FAT3: variants seen among roughly 807,000 people sequenced by gnomAD.
FAT3 encodes FAT atypical cadherin 3.
Under a neutral mutation model 310.2 loss-of-function variants are expected in FAT3, and 95 were observed. The ratio of observed to expected loss-of-function variants is 0.31; its 90% confidence interval spans 0.26 to 0.36. FAT3 has a LOEUF of 0.36. Ranked by LOEUF, FAT3 falls within the 10% of genes least tolerant of loss-of-function variation. The probability of loss-of-function intolerance (pLI) is 1.00; values close to 1 mark genes in which losing one functional copy is unlikely to be tolerated. For missense variants in FAT3, 5,408 were observed against 5,715.6 expected (o/e 0.95, Z 1.74); for synonymous variants, 2,314 against 2,192.9 (o/e 1.06, Z -1.54).
chr11:92,404,142 C>T lies in FAT3; in HGVS notation c.3292+48738C>T, dbSNP rs370621943. Among the ~76,000 whole-genome samples, 25 of 152,202 alleles carry T rather than the reference C, an allele frequency of 1.6e-4. No individual in the cohort carries two copies. In the South Asian group the frequency reaches 5.0e-3, roughly 30 times the overall value. ...AGGTTTTGGAACTTTCATCCATAAA[C>T]TCATTCATTAGTTCCTCCATTCAAC... On this transcript the variant is annotated intron_variant, in intron 2 of 27. Coordinates refer to ENST00000525166, the MANE Select transcript of FAT3 (RefSeq NM_001367949.2).
Position 92,402,576 on chromosome 11 carries a change from C to CA in FAT3, c.3292+47179dup, listed in dbSNP as rs950988383. ...GAAACCCTGTCTCCACAAAAAAATA[C>CA]AAAAAAATTAGCTGGACATGATGAT... On this transcript the variant is annotated intron_variant, in intron 2 of 27. Transcript: ENST00000525166. Among the ~76,000 whole-genome samples the CA allele has an allele frequency of 1.5e-4, 23 of 151,382 alleles. No individual in the cohort carries two copies. In the East Asian group the frequency reaches 3.9e-3, roughly 26 times the overall value.
intron 3 of FAT3, among the ~76,000 whole-genome samples, chr11:92,599,949 G>C (rs559276318): frequency 6.6e-6 from 1 of 152,284 alleles, no homozygotes; most frequent in African/African-American, 2.4e-5. Context: ...AAAGATCTAT[G>C]ATCACACAGT....
intron 3 of FAT3, among the ~76,000 whole-genome samples, chr11:92,630,128 A>G (rs1333326242): frequency 6.6e-6 from 1 of 151,902 alleles, no homozygotes; most frequent in East Asian, 1.9e-4. Context: ...CCAGGATCGC[A>G]TGGCCCTCCC....
At chr11:92,694,850 A>G (rs1565518703) in intron 3 of FAT3, among the ~76,000 whole-genome samples, 1 of 152,170 alleles carries the variant, frequency 6.6e-6, no homozygotes, top group South Asian at 2.1e-4. Context: ...GGGAGGCTCC[A>G]TGAAAGCTTC....
intron 3 of FAT3, among the ~76,000 whole-genome samples, chr11:92,555,093 CTT>C (rs938129546): frequency 2.0e-5 from 3 of 152,178 alleles, no homozygotes; most frequent in Non-Finnish European, 4.4e-5. Context: ...CCAATCAACT[CTT>C]GTTTCAATTT....
Position 92,353,358 on chromosome 11 carries a change from G to A in FAT3, c.1246G>A (p.Asp416Asn). ...DVEYKLSPGE[D>N]AVYFKINPRS... ...GGAATACAAATTATCTCCTGGTGAGGATGCAGTGTACTTTAAAATTAATCC... is the reference window on the plus strand; with the variant it reads ...GGAATACAAATTATCTCCTGGTGAGAATGCAGTGTACTTTAAAATTAATCC... Residue 416 changes from aspartate (D) to asparagine (N), a missense_variant, in exon 2 of 28, where the codon GAT becomes AAT. Transcript: ENST00000525166. The A allele has an allele frequency of 1.2e-6, 2 of 1,613,502 alleles. No homozygotes were observed. The highest frequency in any genetic ancestry group is 1.7e-6 in the Non-Finnish European group (2 of 1,179,772).
intron 3 of FAT3, among the ~76,000 whole-genome samples, chr11:92,676,370 A>G (rs1565505048): frequency 1.3e-5 from 2 of 152,190 alleles, no homozygotes; most frequent in Non-Finnish European, 2.9e-5. Flanking sequence ...AAATAAGGAA[A>G]TAGAGTCTGC....
At chr11:92,293,244 G>C (rs370892308) in intron 1 of FAT3, among the ~76,000 whole-genome samples, 9 of 151,704 alleles carry the variant, frequency 5.9e-5, no homozygotes, top group Middle Eastern at 3.4e-3. Flanking sequence ...AGGCCATGGA[G>C]GGGGGATGAG....
chr11:92,696,996 A>G (rs376639858), intron 3 of FAT3, among the ~76,000 whole-genome samples: 12 of 152,248 alleles, frequency 7.9e-5, no homozygotes, highest in African/African-American at 2.4e-4. Context: ...CATAGTCTGA[A>G]TCTAATCAGC....
rs184971848 is a variant in FAT3 at position 92,708,347 on chromosome 11, A to G, written c.3669+10902A>G. On this transcript the variant is annotated intron_variant, in intron 4 of 27. Transcript: ENST00000525166. Reference sequence around the variant, plus strand: ...GTGATCATCCCTTTACATTTATATCAAACTAATATATTATAAATGTAGATA... The same window carrying G: ...GTGATCATCCCTTTACATTTATATCGAACTAATATATTATAAATGTAGATA... Among the ~76,000 whole-genome samples the G allele has an allele frequency of 2.6e-5, 4 of 152,386 alleles. No homozygotes were observed. In the East Asian group the frequency reaches 5.8e-4, roughly 22 times the overall value.
chr11:92,498,345 T>A (rs1591369653), intron 2 of FAT3: 2 of 237,506 alleles, frequency 8.4e-6, no homozygotes, highest in Non-Finnish European at 1.7e-5. Context: ...GCAAGCCTTT[T>A]CTTTGTCTTT....
intron 4 of FAT3, among the ~76,000 whole-genome samples, chr11:92,726,669 A>G (rs1945010290): frequency 1.3e-5 from 2 of 152,044 alleles, no homozygotes; most frequent in Admixed American, 1.3e-4. Context: ...TTGTTAAAGA[A>G]TGGTTAAACT....
chr11:92,282,587 C>T (rs1179749442), intron 1 of FAT3, among the ~76,000 whole-genome samples: 1 of 151,222 alleles, frequency 6.6e-6, no homozygotes, highest in Non-Finnish European at 1.5e-5. Context: ...ATCACTTGAA[C>T]CTGGAGGCAG....
At chr11:92,685,188 A>G (rs1943595575) in intron 3 of FAT3, among the ~76,000 whole-genome samples, 1 of 152,244 alleles carries the variant, frequency 6.6e-6, no homozygotes, top group African/African-American at 2.4e-5. Context: ...TGTTTAAATA[A>G]CATAATTTAG....
intron 10 of FAT3, among the ~76,000 whole-genome samples, chr11:92,803,590 G>A (rs1237353373): frequency 2.0e-5 from 3 of 152,140 alleles, no homozygotes; most frequent in Admixed American, 6.5e-5. Context: ...CAGCCACACC[G>A]CTATTGACAT....
intron 1 of FAT3, among the ~76,000 whole-genome samples, chr11:92,258,354 G>T (rs1865395907): frequency 6.6e-6 from 1 of 152,112 alleles, no homozygotes; most frequent in African/African-American, 2.4e-5. Flanking sequence ...GTATACAAAG[G>T]CAAGAGCTCC....
chr11:92,477,908 G>C (rs968058276), intron 2 of FAT3, among the ~76,000 whole-genome samples: 6 of 152,114 alleles, frequency 3.9e-5, no homozygotes, highest in Admixed American at 1.3e-4. Context: ...CATGGCACGG[G>C]GCTAGGAAAC....
chr11:92,257,683 G>A (rs1260252550), intron 1 of FAT3, among the ~76,000 whole-genome samples: 2 of 152,104 alleles, frequency 1.3e-5, no homozygotes, highest in African/African-American at 2.4e-5. Context: ...AAATCAGACT[G>A]ATGCATGATT....
chr11:92,849,010 C>A (rs1252537630), intron 19 of FAT3, among the ~76,000 whole-genome samples: 1 of 152,136 alleles, frequency 6.6e-6, no homozygotes, highest in Admixed American at 6.5e-5. Flanking sequence ...TAATGTTTAT[C>A]AAGCCATGAC....
Sources: gnomAD v4.1 joint callset for allele counts (sites outside exome capture counted in the v4.1 genomes callset) on GRCh38, gnomAD v4.1.1 for gene constraint, MANE v1.5 for transcripts, NCBI Gene and HGNC (gene_info 2026-07-23, HGNC 2026-07-21) for gene names.